DSCAML1: variants seen among roughly 807,000 people sequenced by gnomAD.
DSCAML1 encodes the protein DS cell adhesion molecule like 1, also known as cell adhesion molecule DSCAML1.
Under a neutral mutation model 200.5 loss-of-function variants are expected in DSCAML1, and 38 were observed. That is an observed-to-expected ratio of 0.19 (90% CI 0.15 to 0.25). DSCAML1 has a LOEUF of 0.25. Ranked by LOEUF, DSCAML1 falls within the 10% of genes least tolerant of loss-of-function variation. The probability of loss-of-function intolerance (pLI) is 1.00; values close to 1 mark genes in which losing one functional copy is unlikely to be tolerated. For missense variants in DSCAML1, 2,223 were observed against 2,858.8 expected (o/e 0.78, Z 5.07); for synonymous variants, 1,215 against 1,165.0 (o/e 1.04, Z -0.87).
At chr11:117,438,722 A>C (rs2047975437) in intron 24 of DSCAML1, among the ~76,000 whole-genome samples, 163 bp downstream of exon 24, 1 of 152,186 alleles carries the variant, frequency 6.6e-6, no homozygotes, top group African/African-American at 2.4e-5. Context: ...TGCCTGGGCC[A>C]TTGCAGTTCC....
intron 3 of DSCAML1, among the ~76,000 whole-genome samples, chr11:117,539,639 G>T (rs2050231206): frequency 9.5e-6 from 1 of 105,702 alleles, no homozygotes; most frequent in Non-Finnish European, 2.1e-5. Context: ...AAGGAATAAA[G>T]GTCTAATTAG....
At chr11:117,523,844 G>T (rs777063771) in intron 5 of DSCAML1, among the ~76,000 whole-genome samples, 1 of 152,172 alleles carries the variant, frequency 6.6e-6, no homozygotes, top group East Asian at 1.9e-4. Flanking sequence ...TAACCCTCAG[G>T]ATGCTGTTAG....
chr11:117,566,356 C>CTCTT lies in DSCAML1; in HGVS notation c.512-33835_512-33834insAAGA, dbSNP rs199711944. ...TTCTTTTCTTTCTCTCTCTCTCTCTCTTTTTTTTTTTTCTAGGGCCTTGCT... is the reference window on the plus strand; with the variant it reads ...TTCTTTTCTTTCTCTCTCTCTCTCTCTCTTTTTTTTTTTTTTCTAGGGCCTTGCT... On this transcript the variant is annotated intron_variant, in intron 3 of 32. Transcript: ENST00000651296. Among the ~76,000 whole-genome samples the CTCTT allele has an allele frequency of 2.7e-3, 324 of 120,388 alleles. 1 individual carries two copies. Among genetic ancestry groups the CTCTT allele is most frequent in the African/African-American group, 7.0e-3 (249 of 35,612 alleles). The allele number at this position is 120,388 out of a possible 152,430, so 79.0% of individuals were successfully genotyped here.
chr11:117,597,300 G>A (rs954978979), intron 3 of DSCAML1, among the ~76,000 whole-genome samples: 21 of 152,160 alleles, frequency 1.4e-4, no homozygotes, highest in African/African-American at 3.4e-4. Flanking sequence ...GCGCCAGAAC[G>A]GCCTCAGTCA....
intron 3 of DSCAML1, among the ~76,000 whole-genome samples, chr11:117,737,228 C>T (rs2054333769): frequency 1.3e-5 from 2 of 152,230 alleles, no homozygotes; most frequent in African/African-American, 4.8e-5. Flanking sequence ...AGATAATTTT[C>T]ACTTCTTTCA....
At chr11:117,679,962 C>T (rs1157469141) in intron 3 of DSCAML1, among the ~76,000 whole-genome samples, 1 of 152,196 alleles carries the variant, frequency 6.6e-6, no homozygotes, top group Non-Finnish European at 1.5e-5. Context: ...ATGCCCTGGA[C>T]TTTGCTGGGT....
chr11:117,675,312 C>T (rs1307658060), intron 3 of DSCAML1, among the ~76,000 whole-genome samples: 2 of 152,020 alleles, frequency 1.3e-5, no homozygotes, highest in Non-Finnish European at 2.9e-5. Flanking sequence ...GCTTCCAAGC[C>T]TGCCAGCCAG....
chr11:117,472,586 A>T (rs1488802519), intron 14 of DSCAML1, among the ~76,000 whole-genome samples: 1 of 152,204 alleles, frequency 6.6e-6, no homozygotes, highest in Admixed American at 6.5e-5. Flanking sequence ...CAGAGTCCCC[A>T]GTCCAAACCC....
At chr11:117,700,832 T>C (rs1202039553) in intron 3 of DSCAML1, among the ~76,000 whole-genome samples, 1 of 152,216 alleles carries the variant, frequency 6.6e-6, no homozygotes, top group African/African-American at 2.4e-5. Flanking sequence ...TTCTATAATA[T>C]TTTAACAATG....
At position 117,437,407 on chromosome 11, in the gene DSCAML1, G is replaced by A; in HGVS notation, c.4435C>T (p.Pro1479Ser). 1 of 1,610,684 alleles carries A rather than the reference G, an allele frequency of 6.2e-7. No homozygotes were observed. Among genetic ancestry groups the A allele is most frequent in the Non-Finnish European group, 8.5e-7 (1 of 1,177,166 alleles). Residue 1479 changes from proline to serine, a missense_variant and splice_region_variant, in exon 26 of 33, where the codon CCC becomes TCC. Physicochemically the swap from Pro to Ser is moderately conservative, Grantham distance 74. This residue lies in a region of DSCAML1 where 614 missense variants were observed against 739.1 expected (regional missense o/e 0.83). Transcript: ENST00000651296. The surrounding 1 kb of genome is among the most constrained non-coding windows in gnomAD (Gnocchi z 5.3). Reference protein sequence around the residue: ...IIEAKTHGREPSFSKDQHLFT... With the variant: ...IIEAKTHGRESSFSKDQHLFT... ...AGGTGTTGGTCTTTGCTGAAGGAGGGCTCTGGCAGGCCGGAGGGAGAGAGA... is the reference window on the plus strand; with the variant it reads ...AGGTGTTGGTCTTTGCTGAAGGAGGACTCTGGCAGGCCGGAGGGAGAGAGA...
chr11:117,459,388 A>G (rs753001629), intron 18 of DSCAML1, among the ~76,000 whole-genome samples: 3 of 152,132 alleles, frequency 2.0e-5, no homozygotes, highest in African/African-American at 7.2e-5. Flanking sequence ...CAACCTGGGG[A>G]TGGTGTGTGA....
Position 117,428,905 on chromosome 11 carries a change from TTGGCATA to T in DSCAML1, c.5687-109_5687-103del, listed in dbSNP as rs1392423967. 3.3e-6 allele frequency: 4 copies of T among 1,208,588 alleles called. No individual in the cohort carries two copies. The Admixed American group carries it at 9.5e-5, about 29-fold the overall frequency. 74.9% of individuals were successfully genotyped at this position (1,208,588 alleles called of 1,614,324 possible). On this transcript the variant is annotated intron_variant, in intron 32 of 32. Transcript: ENST00000651296. ...CCCTGCCCCCAGTCTTCTCTCTGAT[TTGGCATA>T]GGGGCCCCTCCACTGGGGGGCAATA...
At chr11:117,432,571 CT>C in intron 29 of DSCAML1, 67 bp from the exon 30 acceptor site, 1 of 1,497,746 alleles carries the variant, frequency 6.7e-7, no homozygotes, top group Non-Finnish European at 9.1e-7. Context: ...TTGGATGTGA[CT>C]GAATTTCTCT....
chr11:117,625,882 A>T (rs2052032797), intron 3 of DSCAML1, among the ~76,000 whole-genome samples: 1 of 152,224 alleles, frequency 6.6e-6, no homozygotes, highest in Non-Finnish European at 1.5e-5. Flanking sequence ...CCCCTATCAG[A>T]AACACTATTA....
At chr11:117,672,102 GAAAAAAAA>G (rs71037491) in intron 3 of DSCAML1, among the ~76,000 whole-genome samples, 6,577 of 94,536 alleles carry the variant, frequency 0.07, 229 homozygotes, top group Non-Finnish European at 0.088. Flanking sequence ...CTCCAGCTCA[GAAAAAAAA>G]AAAAAAAAAA....
chr11:117,512,861 G>A (rs564930903), intron 8 of DSCAML1, among the ~76,000 whole-genome samples: 16 of 150,596 alleles, frequency 1.1e-4, no homozygotes, highest in African/African-American at 3.4e-4. Flanking sequence ...CTGTCGCTCA[G>A]CACCATCACA....
intron 3 of DSCAML1, among the ~76,000 whole-genome samples, chr11:117,607,357 T>C (rs2051587618): frequency 6.6e-6 from 1 of 152,160 alleles, no homozygotes; most frequent in South Asian, 2.1e-4. Context: ...CAGAGAAAAG[T>C]ACTATGTGTA....
At chr11:117,467,146 C>G (rs1034151321) in intron 16 of DSCAML1, among the ~76,000 whole-genome samples, 3 of 151,062 alleles carry the variant, frequency 2.0e-5, no homozygotes, top group Non-Finnish European at 4.4e-5. Context: ...GGCTCGAACC[C>G]TGATAGACAC....
intron 3 of DSCAML1, among the ~76,000 whole-genome samples, chr11:117,537,626 A>G (rs1055463470): frequency 2.6e-5 from 4 of 152,186 alleles, no homozygotes; most frequent in Non-Finnish European, 5.9e-5. Flanking sequence ...TGCAAATGTA[A>G]TCAAGTTTAA....
Sources: allele counts gnomAD v4.1 joint callset (sites outside exome capture counted in the v4.1 genomes callset), GRCh38; gene constraint gnomAD v4.1.1; regional missense constraint gnomAD v4.1.1; non-coding constraint Gnocchi (gnomAD v3.1); transcripts MANE v1.5; gene names NCBI Gene and HGNC (gene_info 2026-07-23, HGNC 2026-07-21).